Variants in MTHFD2L observed in about 807,000 individuals in gnomAD.
MTHFD2L encodes the protein methylenetetrahydrofolate dehydrogenase (NADP+ dependent) 2 like.
MTHFD2L carries 29 observed loss-of-function variants against 34.9 expected under a neutral mutation model. The ratio of observed to expected loss-of-function variants is 0.83; its 90% CI spans 0.62 to 1.13. MTHFD2L has a LOEUF of 1.13. Among genes scored for constraint, MTHFD2L ranks in the 50% most tolerant of loss-of-function variants. The pLI, the probability that MTHFD2L is intolerant of heterozygous loss-of-function variation, is 0.00. For synonymous variants in MTHFD2L, 167 were observed against 155.7 expected (o/e 1.07, Z -0.54); for missense variants, 481 against 446.5 (o/e 1.08, Z -0.70).
chr4:74,200,024 A>G, intron 4 of MTHFD2L, 78 bp downstream of exon 4: 1 of 1,313,160 alleles, frequency 7.6e-7, no homozygotes, highest in Non-Finnish European at 1.1e-6. Flanking sequence ...TGATGGGACT[A>G]CCTCAGTCCT....
intron 6 of MTHFD2L, among the ~76,000 whole-genome samples, chr4:74,253,201 C>G (rs1578625082): frequency 6.6e-6 from 1 of 152,000 alleles, no homozygotes; most frequent in East Asian, 1.9e-4. Context: ...TTCTAGTAAG[C>G]AGTAGTAGAA....
intron 3 of MTHFD2L, among the ~76,000 whole-genome samples, chr4:74,187,291 C>T (rs1025092166): frequency 2.6e-5 from 4 of 151,976 alleles, no homozygotes; most frequent in Non-Finnish European, 2.9e-5. Context: ...CCAAACCGCT[C>T]CAGAATAGAA....
chr4:74,195,245 G>A (rs866791786), intron 3 of MTHFD2L: 1 of 152,306 alleles, frequency 6.6e-6, no homozygotes, highest in Middle Eastern at 3.4e-3. Context: ...ATCATGTAGA[G>A]CCTTGTTTGC....
At chr4:74,272,991 C>G (rs1746183566) in intron 6 of MTHFD2L, among the ~76,000 whole-genome samples, 1 of 152,154 alleles carries the variant, frequency 6.6e-6, no homozygotes, top group South Asian at 2.1e-4. Flanking sequence ...AAATCTACAG[C>G]TTGCAAAATC....
At chr4:74,126,506 A>C (rs1230975567) in intron 1 of MTHFD2L, among the ~76,000 whole-genome samples, 1 of 152,082 alleles carries the variant, frequency 6.6e-6, no homozygotes, top group Non-Finnish European at 1.5e-5. Context: ...GCTGTCCATC[A>C]TCAAATCTCT....
intron 5 of MTHFD2L, among the ~76,000 whole-genome samples, chr4:74,203,067 AATG>A (rs1263317164): frequency 6.6e-6 from 1 of 152,200 alleles, no homozygotes; most frequent in East Asian, 1.9e-4. Context: ...ACTTATCTAA[AATG>A]ATGAATGATG....
chr4:74,162,009 A>G (rs1725562671), intron 1 of MTHFD2L: 1 of 152,230 alleles, frequency 6.6e-6, no homozygotes, highest in Non-Finnish European at 1.5e-5. Context: ...TGCTATTAAG[A>G]AATTCACTTT....
chr4:74,199,210 C>T (rs1733988201), intron 3 of MTHFD2L, among the ~76,000 whole-genome samples: 1 of 151,904 alleles, frequency 6.6e-6, no homozygotes, highest in Non-Finnish European at 1.5e-5. Flanking sequence ...TCTTTTTCTT[C>T]CATATAGCAA....
At chr4:74,144,251 G>T (rs375891893) in intron 1 of MTHFD2L, among the ~76,000 whole-genome samples, 1 of 152,052 alleles carries the variant, frequency 6.6e-6, no homozygotes, top group East Asian at 1.9e-4. Context: ...TCAGGAGTTC[G>T]AGACCAGCCT....
At position 74,228,268 on chromosome 4, in the gene MTHFD2L, T is replaced by C. The variant is rs545456918; in HGVS notation, c.805+2874T>C. 3.3e-5 allele frequency among the ~76,000 whole-genome samples: 5 copies of C among 152,330 alleles called. No homozygotes were observed. In the South Asian group the frequency reaches 6.2e-4, roughly 19 times the overall value. ...TGATACCTTCATGGCAGATAAGTAT[T>C]ATACTGACTTCTTTTTAGAGACACT... On this transcript the variant is annotated intron_variant, in intron 6 of 7. Coordinates refer to ENST00000325278, the MANE Select transcript of MTHFD2L (RefSeq NM_001144978.3).
intron 1 of MTHFD2L, among the ~76,000 whole-genome samples, chr4:74,164,757 A>G (rs1263388419): frequency 1.3e-5 from 2 of 152,212 alleles, no homozygotes; most frequent in Admixed American, 6.5e-5. Context: ...CAGGACTTCT[A>G]ATTTCAGGTG....
At chr4:74,191,813 TC>T (rs1484397900) in intron 3 of MTHFD2L, among the ~76,000 whole-genome samples, 1 of 152,058 alleles carries the variant, frequency 6.6e-6, no homozygotes, top group Non-Finnish European at 1.5e-5. Context: ...TGCCTCAGCC[TC>T]CCAAAGTGCT....
rs1338929931 is a variant in MTHFD2L, at chr4:74,158,120, A to G, written c.-19A>G. 1 of 1,530,432 alleles carries G rather than the reference A, an allele frequency of 6.5e-7. No individual in the cohort carries two copies. The highest frequency in any genetic ancestry group is 2.5e-5 in the East Asian group (1 of 40,752). 94.8% of individuals were successfully genotyped at this position (1,530,432 alleles called of 1,614,324 possible). A position where few individuals can be genotyped will look rare whatever the true frequency, so the allele number is the denominator to read the frequency against. On this transcript the variant is annotated 5_prime_UTR_variant, in exon 1 of 8. Transcript: ENST00000325278. ...CGCGGGAGGTGGAGCCCCAGTCCGGAAGCCGGGGATCCGCGGCCATGACGG... is the reference window on the plus strand; with the variant it reads ...CGCGGGAGGTGGAGCCCCAGTCCGGGAGCCGGGGATCCGCGGCCATGACGG...
At chr4:74,122,825 A>T (rs187970752), upstream of MTHFD2L, among the ~76,000 whole-genome samples, 210 of 152,292 alleles carry the variant, frequency 1.4e-3, no homozygotes, top group Middle Eastern at 0.014. Context: ...AAATCTATAG[A>T]TTAGGTATTA....
chr4:74,193,737 CA>C (rs1732984233), intron 3 of MTHFD2L, among the ~76,000 whole-genome samples: 1 of 152,122 alleles, frequency 6.6e-6, no homozygotes, highest in Non-Finnish European at 1.5e-5. Context: ...CTACTTGTAT[CA>C]GGAATTCAAT....
At chr4:74,158,992 C>T (rs574374462) in intron 1 of MTHFD2L, among the ~76,000 whole-genome samples, 3 of 152,200 alleles carry the variant, frequency 2.0e-5, no homozygotes, top group African/African-American at 7.2e-5. Flanking sequence ...AGAAGAGCCT[C>T]TGTTTTCAGA....
intron 6 of MTHFD2L, chr4:74,280,181 G>A (rs553837455): frequency 6.6e-6 from 1 of 152,212 alleles, no homozygotes; most frequent in Admixed American, 6.6e-5. Flanking sequence ...TTGAGAAGTG[G>A]AGTCTCTGTT....
At chr4:74,169,363 A>G (rs894626559) in intron 1 of MTHFD2L, among the ~76,000 whole-genome samples, 2 of 152,348 alleles carry the variant, frequency 1.3e-5, no homozygotes, top group East Asian at 3.9e-4. Flanking sequence ...TGTCTAGGAC[A>G]TAATTAGCCT....
At chr4:74,161,062 T>C (rs1578290095) in intron 1 of MTHFD2L, 1 of 152,356 alleles carries the variant, frequency 6.6e-6, no homozygotes, top group African/African-American at 2.4e-5. Flanking sequence ...ATTATTTCTT[T>C]TAGCTTTTAA....
Sources: allele counts gnomAD v4.1 joint callset (sites outside exome capture counted in the v4.1 genomes callset), GRCh38; gene constraint gnomAD v4.1.1; transcripts MANE v1.5; gene names NCBI Gene and HGNC (gene_info 2026-07-23, HGNC 2026-07-21).